ELP3: variants seen among roughly 807,000 people sequenced by gnomAD.
The protein encoded by ELP3 is elongator complex protein 3.
In ELP3, 56 loss-of-function variants were observed where a neutral mutation model predicts 74.9. The ratio of observed to expected loss-of-function variants is 0.75; its 90% CI spans 0.60 to 0.93. The LOEUF (loss-of-function observed/expected upper bound fraction) is 0.93. Ranked by LOEUF, ELP3 falls within the 40% of genes least tolerant of loss-of-function variation. ELP3 has a pLI of 0.00. For missense variants in ELP3, 573 were observed against 686.5 expected (o/e 0.83, Z 1.85); for synonymous variants, 222 against 239.8 (o/e 0.93, Z 0.68).
intron 7 of ELP3, among the ~76,000 whole-genome samples, chr8:28,119,573 T>A (rs1184176069): frequency 5.3e-3 from 1 of 190 alleles, no homozygotes; most frequent in African/African-American, 0.016. Context: ...TGTGGCGTTT[T>A]ATATATATAT....
At chr8:28,167,608 T>C (rs1239835237) in intron 14 of ELP3, among the ~76,000 whole-genome samples, 1 of 152,222 alleles carries the variant, frequency 6.6e-6, no homozygotes, top group Non-Finnish European at 1.5e-5. Context: ...TATTTGCTAA[T>C]GGACACAGGA....
At chr8:28,155,820 C>CTTTAGGCA in intron 10 of ELP3, 122 bp from the exon 11 acceptor site, 1 of 679,908 alleles carries the variant, frequency 1.5e-6, no homozygotes, top group Non-Finnish European at 2.4e-6. Flanking sequence ...ATTTCCTGGT[C>CTTTAGGCA]AGCTTCATAG....
intron 14 of ELP3, among the ~76,000 whole-genome samples, chr8:28,184,460 A>C (rs940711926): frequency 6.6e-6 from 1 of 152,154 alleles, no homozygotes. Flanking sequence ...GAAAGGAAAA[A>C]GTAGAAGGCC....
At chr8:28,176,228 G>A (rs1341054399) in intron 14 of ELP3, among the ~76,000 whole-genome samples, 1 of 151,918 alleles carries the variant, frequency 6.6e-6, no homozygotes, top group Non-Finnish European at 1.5e-5. Context: ...GACCTGAGAG[G>A]GATTTTTCTT....
At chr8:28,181,001 C>T (rs560683486) in intron 14 of ELP3, among the ~76,000 whole-genome samples, 6 of 152,232 alleles carry the variant, frequency 3.9e-5, no homozygotes, top group East Asian at 1.9e-4. Flanking sequence ...TTCTGGTGGC[C>T]GCAAGACACT....
intron 9 of ELP3, among the ~76,000 whole-genome samples, chr8:28,136,901 T>C (rs1813011566): frequency 6.6e-6 from 1 of 152,222 alleles, no homozygotes; most frequent in African/African-American, 2.4e-5. Context: ...GTCTCATTGC[T>C]ACATCCCAAA....
intron 14 of ELP3, among the ~76,000 whole-genome samples, chr8:28,169,420 G>T (rs938247045): frequency 6.6e-6 from 1 of 152,132 alleles, no homozygotes; most frequent in Non-Finnish European, 1.5e-5. Flanking sequence ...CCTCAGCTGG[G>T]GTGGCTTAAA....
intron 7 of ELP3, among the ~76,000 whole-genome samples, chr8:28,120,814 G>A (rs1044663842): frequency 5.3e-5 from 8 of 151,964 alleles, no homozygotes; most frequent in Admixed American, 3.3e-4. Context: ...TTCCCTATTC[G>A]GATTATATCA....
Position 28,162,033 on chromosome 8 carries a change from A to G in ELP3, c.1522A>G (p.Ile508Val), listed in dbSNP as rs561676502. 3.1e-6 allele frequency: 5 copies of G among 1,614,220 alleles called. No homozygotes were observed. In the Admixed American group the frequency reaches 8.3e-5, roughly 27 times the overall value. Residue 508 changes from isoleucine (I) to valine (V), a missense_variant, in exon 14 of 15, where the codon ATA becomes GTA. Ile to Val is a conservative substitution (Grantham distance 29). Coordinates refer to ENST00000256398, the MANE Select transcript of ELP3 (RefSeq NM_018091.6). ...GCTGCTGATGGAGGAAGCAGAAAGA[A>G]TAGCTAGAGAAGAACATGGGTCTGG... is the stretch of plus-strand genomic sequence containing the variant. Reference protein sequence around the residue: ...GMLLMEEAERIAREEHGSGKI... With the variant: ...GMLLMEEAERVAREEHGSGKI...
At position 28,160,282 on chromosome 8, in the gene ELP3, G is replaced by T; in HGVS notation, c.1311G>T (p.Leu437Phe). ...CAAATGGTGGCTGGGAAACATTCTT[G>T]TCATACGAAGACCCAGATCAAGACA... Reference protein sequence around the residue: ...YVANGGWETFLSYEDPDQDIL... With the variant: ...YVANGGWETFFSYEDPDQDIL... The change falls in exon 13 of 15, where the codon TTG becomes TTT. Residue 437 changes from leucine (L) to phenylalanine (F), a missense_variant. Physicochemically the swap from Leu to Phe is conservative, Grantham distance 22. Coordinates refer to ENST00000256398, the MANE Select transcript of ELP3 (RefSeq NM_018091.6). 2 of 1,614,154 alleles carry T rather than the reference G, an allele frequency of 1.2e-6. No individual in the cohort carries two copies. Among genetic ancestry groups the T allele is most frequent in the Non-Finnish European group, 1.7e-6 (2 of 1,180,022 alleles).
At chr8:28,110,210 C>T (rs963739173) in intron 5 of ELP3, among the ~76,000 whole-genome samples, 160 bp from the exon 6 acceptor site, 14 of 152,156 alleles carry the variant, frequency 9.2e-5, no homozygotes, top group Non-Finnish European at 4.4e-5. Context: ...CGATTCAGGA[C>T]ATTATTTTGA....
At chr8:28,140,114 T>TTGTGTGTGTGTG (rs56981709) in intron 10 of ELP3, among the ~76,000 whole-genome samples, 170 of 143,788 alleles carry the variant, frequency 1.2e-3, no homozygotes, top group African/African-American at 4.2e-3. Flanking sequence ...TGTACATATT[T>TTGTGTGTGTGTG]TGTGTGTGTG....
chr8:28,115,539 G>GGGCCA (rs771009532), intron 7 of ELP3, among the ~76,000 whole-genome samples: 49 of 152,178 alleles, frequency 3.2e-4, no homozygotes, highest in Admixed American at 1.8e-3. Flanking sequence ...TGTATACAGT[G>GGGCCA]GGCCAGGTGT....
intron 14 of ELP3, chr8:28,183,386 T>G (rs1815097543): frequency 5.5e-6 from 2 of 366,364 alleles, no homozygotes; most frequent in Non-Finnish European, 1.1e-5. Context: ...ATGAGTGAAC[T>G]TGGGAGGATA....
chr8:28,097,405 CAA>C (rs2130344897), intron 2 of ELP3, 87 bp downstream of exon 2: 2 of 812,436 alleles, frequency 2.5e-6, no homozygotes, highest in Middle Eastern at 2.4e-4. Flanking sequence ...TTTTCCAGCT[CAA>C]GTTTTATTTT....
chr8:28,160,399 T>C lies in ELP3; in HGVS notation c.1428T>C (p.His476=). 2 of 1,614,166 alleles carry C rather than the reference T, an allele frequency of 1.2e-6. No homozygotes were observed. The highest frequency in any genetic ancestry group is 1.7e-6 in the Non-Finnish European group (2 of 1,180,020). ...GTGTCTCCATAGTACGAGAGCTGCA[T>C]GTGTATGGGAGTGTGGTCCCTGTGA... ...GGGVSIVREL[H]VYGSVVPVSS... is the part of the protein sequence containing the mutation. Residue 476 remains histidine (H), a synonymous_variant, in exon 13 of 15, where the codon CAT becomes CAC. Coordinates refer to ENST00000256398, the MANE Select transcript of ELP3 (RefSeq NM_018091.6).
rs974266404 is a variant in ELP3 at position 28,189,913 on chromosome 8, G to A, written c.*188G>A. On this transcript the variant is annotated 3_prime_UTR_variant, in exon 15 of 15. Coordinates refer to ENST00000256398, the MANE Select transcript of ELP3 (RefSeq NM_018091.6). ...CATCTGCTGACCACACCCCAGATCC[G>A]CCCTCTCCTGCGTGCACCCCAAAAA... 3.8e-5 allele frequency: 21 copies of A among 557,606 alleles called. No individual in the cohort carries two copies. The highest frequency in any genetic ancestry group is 9.5e-5 in the African/African-American group (5 of 52,834). 34.5% of individuals were successfully genotyped at this position (557,606 alleles called of 1,614,324 possible). A position where few individuals can be genotyped will look rare whatever the true frequency, so the allele number is the denominator to read the frequency against.
At chr8:28,111,839 C>T (rs925257394) in intron 6 of ELP3, among the ~76,000 whole-genome samples, 24 of 152,264 alleles carry the variant, frequency 1.6e-4, no homozygotes, top group African/African-American at 2.6e-4. Flanking sequence ...ATCTTCACCT[C>T]GGGAGGTTCT....
chr8:28,155,582 A>G (rs1813792957), intron 10 of ELP3, among the ~76,000 whole-genome samples: 1 of 152,236 alleles, frequency 6.6e-6, no homozygotes, highest in African/African-American at 2.4e-5. Context: ...GATTTTGTAA[A>G]GGAAAAAATT....
Sources: allele counts gnomAD v4.1 joint callset (sites outside exome capture counted in the v4.1 genomes callset), GRCh38; gene constraint gnomAD v4.1.1; transcripts MANE v1.5; gene names NCBI Gene and HGNC (gene_info 2026-07-23, HGNC 2026-07-21).